Variants in COP1 observed in about 807,000 individuals in gnomAD.
COP1 encodes the protein COP1 E3 ubiquitin ligase, also known as E3 ubiquitin-protein ligase COP1.
A neutral mutation model predicts 101.3 loss-of-function variants in COP1; 24 were observed. That is an observed-to-expected ratio of 0.24 (90% confidence interval 0.17 to 0.33). The LOEUF is 0.33. COP1 is among the 10% of genes least tolerant of loss of function. COP1 has a pLI of 1.00. For missense variants in COP1, 663 were observed against 906.2 expected (o/e 0.73, Z 3.45); for synonymous variants, 347 against 341.9 (o/e 1.01, Z -0.17).
intron 14 of COP1, among the ~76,000 whole-genome samples, chr1:176,034,041 G>A (rs2149110380): frequency 6.6e-6 from 1 of 152,250 alleles, no homozygotes; most frequent in East Asian, 1.9e-4. Context: ...AGCTGAGAGA[G>A]TAAGCCAATC....
Position 176,156,333 on chromosome 1 carries a change from C to A in COP1, c.762+6536G>T, listed in dbSNP as rs76745365. Among the ~76,000 whole-genome samples, 973 of 151,840 alleles carry A rather than the reference C, an allele frequency of 6.4e-3. 11 individuals are homozygous for A. The highest frequency in any genetic ancestry group is 0.02 in the African/African-American group (813 of 41,402). ...AAAATAGAGAAGATAAAATGAGATA[C>A]TGAAAACCCAATGATGTCTAAAGGA... On this transcript the variant is annotated intron_variant, in intron 5 of 19. Transcript: ENST00000367669.
chr1:176,129,956 C>T (rs927411178), intron 8 of COP1, among the ~76,000 whole-genome samples: 1 of 151,736 alleles, frequency 6.6e-6, no homozygotes, highest in African/African-American at 2.4e-5. Flanking sequence ...AAGCTAATGG[C>T]TTCATAGGCT....
chr1:176,116,577 A>G, intron 9 of COP1, 47 bp downstream of exon 9: 1 of 1,385,420 alleles, frequency 7.2e-7, no homozygotes, highest in Non-Finnish European at 1.0e-6. Context: ...TATAACTCAG[A>G]TAATTATACT....
In COP1 at chr1:176,203,194, G is replaced by A. The variant is rs566623763; in HGVS notation, c.407+3378C>T. Among the ~76,000 whole-genome samples, 66 of 152,116 alleles carry A rather than the reference G, an allele frequency of 4.3e-4. 1 individual carries two copies. Among genetic ancestry groups the A allele is most frequent in the South Asian group, 1.9e-3 (9 of 4,812 alleles). ...CTACTAAAAATACAAAAAATTAGCC[G>A]GGCGGGGTGGCCGGCGCCTGTAGTC... On this transcript the variant is annotated intron_variant, in intron 1 of 19. Coordinates refer to ENST00000367669, the MANE Select transcript of COP1 (RefSeq NM_022457.7).
intron 5 of COP1, among the ~76,000 whole-genome samples, chr1:176,149,648 T>TA (rs1692110820): frequency 1.3e-5 from 2 of 151,864 alleles, no homozygotes; most frequent in Non-Finnish European, 2.9e-5. Flanking sequence ...AGCTTGCGGG[T>TA]AGGGAGTAAC....
chr1:176,136,902 A>C (rs903117203), intron 6 of COP1, among the ~76,000 whole-genome samples: 6 of 152,072 alleles, frequency 3.9e-5, no homozygotes, highest in African/African-American at 1.4e-4. Context: ...TCAGCATGTC[A>C]GTTGTTAATC....
chr1:175,983,723 A>G (rs886903676), intron 18 of COP1, among the ~76,000 whole-genome samples: 25 of 152,316 alleles, frequency 1.6e-4, no homozygotes, highest in African/African-American at 5.5e-4. Flanking sequence ...TTTGACCAAA[A>G]TGCTGATAAT....
At chr1:176,192,108 C>T (rs1042761999) in intron 1 of COP1, among the ~76,000 whole-genome samples, 1 of 152,064 alleles carries the variant, frequency 6.6e-6, no homozygotes, top group African/African-American at 2.4e-5. Flanking sequence ...GTATCCATAA[C>T]AGAAAAGCAA....
intron 14 of COP1, among the ~76,000 whole-genome samples, chr1:176,035,710 C>CAAAAAAAAAAAAAAAAAAAAAAAAA (rs71129541): frequency 1.4e-5 from 1 of 73,110 alleles, no homozygotes; most frequent in African/African-American, 7.1e-5. Context: ...AAAACGAGAC[C>CAAAAAAAAAAAAAAAAAAAAAAAAA]AAAAAAAAAA....
At chr1:176,094,750 G>C (rs1047121495) in intron 9 of COP1, among the ~76,000 whole-genome samples, 2 of 150,956 alleles carry the variant, frequency 1.3e-5, no homozygotes, top group African/African-American at 4.9e-5. Flanking sequence ...CAAATTAGAT[G>C]ATCATACAAA....
intron 5 of COP1, among the ~76,000 whole-genome samples, chr1:176,150,734 T>G (rs1322221576): frequency 6.6e-6 from 1 of 152,170 alleles, no homozygotes; most frequent in Non-Finnish European, 1.5e-5. Context: ...TTCAATCTAT[T>G]AACTAGAATA....
chr1:176,084,710 A>C (rs1215233134), intron 10 of COP1, among the ~76,000 whole-genome samples: 1 of 142,216 alleles, frequency 7.0e-6, no homozygotes, highest in African/African-American at 2.5e-5. Flanking sequence ...TTGTAAATCT[A>C]ATATATTTTT....
At chr1:175,974,922 CAAAAA>C (rs34306335) in intron 18 of COP1, among the ~76,000 whole-genome samples, 7 of 91,260 alleles carry the variant, frequency 7.7e-5, no homozygotes, top group East Asian at 3.2e-4. Flanking sequence ...GACCCTGTCT[CAAAAA>C]AAAAAAAAAA....
intron 3 of COP1, among the ~76,000 whole-genome samples, chr1:176,165,479 G>A (rs1694995683): frequency 6.6e-6 from 1 of 151,698 alleles, no homozygotes; most frequent in Non-Finnish European, 1.5e-5. Context: ...TGGATCACCT[G>A]AGGTCAGGAG....
chr1:176,004,146 T>C (rs900111983), intron 15 of COP1, among the ~76,000 whole-genome samples: 2 of 151,486 alleles, frequency 1.3e-5, no homozygotes, highest in African/African-American at 4.9e-5. Flanking sequence ...GATTCGGCTC[T>C]CTGTTTGTCT....
At chr1:176,177,752 T>G (rs1188694197) in intron 2 of COP1, among the ~76,000 whole-genome samples, 3 of 152,148 alleles carry the variant, frequency 2.0e-5, no homozygotes, top group Non-Finnish European at 4.4e-5. Flanking sequence ...TCCACTTACC[T>G]TCCCCCTCCA....
chr1:176,067,079 A>G (rs953398130), intron 11 of COP1, among the ~76,000 whole-genome samples: 1 of 152,228 alleles, frequency 6.6e-6, no homozygotes, highest in Non-Finnish European at 1.5e-5. Context: ...AGAAATTATA[A>G]AAAGTATGAT....
At chr1:176,026,732 T>G (rs970744240) in intron 15 of COP1, among the ~76,000 whole-genome samples, 29 of 152,122 alleles carry the variant, frequency 1.9e-4, no homozygotes, top group Non-Finnish European at 3.5e-4. Flanking sequence ...TTTTAAAAGT[T>G]GCTACTGTCT....
At chr1:176,130,719 A>T (rs999917471) in intron 8 of COP1, among the ~76,000 whole-genome samples, 10 of 151,814 alleles carry the variant, frequency 6.6e-5, no homozygotes, top group Admixed American at 1.3e-4. Context: ...GTAAATATTT[A>T]CTCAAAACCT....
Sources: gnomAD v4.1 joint callset for allele counts (sites outside exome capture counted in the v4.1 genomes callset) on GRCh38, gnomAD v4.1.1 for gene constraint, MANE v1.5 for transcripts, NCBI Gene and HGNC (gene_info 2026-07-23, HGNC 2026-07-21) for gene names.